Variants in UBE2Q2 observed in about 807,000 individuals in gnomAD.
UBE2Q2 encodes ubiquitin conjugating enzyme E2 Q2.
UBE2Q2 carries 54 observed loss-of-function variants against 59.9 expected under a neutral mutation model. The observed-to-expected ratio is 0.90, with a 90% confidence interval of 0.72 to 1.13. UBE2Q2 has a LOEUF of 1.13. Among genes scored for constraint, UBE2Q2 ranks in the 50% most tolerant of loss-of-function variants. UBE2Q2 has a pLI of 0.00. For synonymous variants in UBE2Q2, 165 were observed against 155.2 expected (o/e 1.06, Z -0.47); for missense variants, 433 against 441.9 (o/e 0.98, Z 0.18).
At position 75,859,899 on chromosome 15, in the gene UBE2Q2, T is replaced by A. The variant is rs373526760; in HGVS notation, c.304T>A (p.Leu102Met). 3 of 1,596,432 alleles carry A rather than the reference T, an allele frequency of 1.9e-6. No homozygotes were observed. In the African/African-American group the frequency reaches 4.1e-5, roughly 22 times the overall value. Residue 102 changes from leucine (L) to methionine (M), a missense_variant, in exon 3 of 13, where the codon TTG becomes ATG. Coordinates refer to ENST00000267938, the MANE Select transcript of UBE2Q2 (RefSeq NM_173469.4). ...NNLLRQQLKW[L>M]ICELCSLYNL... The stretch of plus-strand genomic sequence containing the variant: ...GTAGCTTCGTCAGCAATTGAAGTGG[T>A]TGATATGTGAACTCTGCAGTTTATA...
chr15:75,871,424 G>A (rs961920381), intron 4 of UBE2Q2, among the ~76,000 whole-genome samples: 1 of 152,126 alleles, frequency 6.6e-6, no homozygotes, highest in Non-Finnish European at 1.5e-5. Flanking sequence ...GCTGGGGGAC[G>A]GTCAGGTCTT....
intron 9 of UBE2Q2, among the ~76,000 whole-genome samples, chr15:75,884,526 G>A (rs954498696): frequency 2.0e-5 from 3 of 152,030 alleles, no homozygotes; most frequent in African/African-American, 7.2e-5. Context: ...TAGTTATTTG[G>A]GCATGGTGTC....
chr15:75,876,304 A>AT, intron 6 of UBE2Q2, 33 bp downstream of exon 6: 1 of 1,549,630 alleles, frequency 6.5e-7, no homozygotes, highest in South Asian at 1.1e-5. Flanking sequence ...TCTCTTTATG[A>AT]TTCTTCTGCT....
rs768701045 is a variant in UBE2Q2 at position 75,843,696 on chromosome 15, GAA to G, written c.31_32del (p.Lys11ValfsTer64). 6.8e-6 allele frequency: 11 copies of G among 1,611,298 alleles called. No individual in the cohort carries two copies. In the South Asian group the frequency reaches 1.2e-4, roughly 18 times the overall value. ...CCGTGTCAGGGCTCAAGGCCGAGCTGAAGTTCCTGGCGTCCATCTTCGACAAG... is the reference window on the plus strand; with the variant it reads ...CCGTGTCAGGGCTCAAGGCCGAGCTGGTTCCTGGCGTCCATCTTCGACAAG... MSVSGLKAEL[K>X]FLASIFDKNH... On this transcript the variant is annotated frameshift_variant, in exon 1 of 13. Coordinates refer to ENST00000267938, the MANE Select transcript of UBE2Q2 (RefSeq NM_173469.4). LOFTEE classifies it high-confidence loss of function.
chr15:75,844,024 G>A, intron 1 of UBE2Q2, 178 bp downstream of exon 1: 2 of 1,409,714 alleles, frequency 1.4e-6, no homozygotes, highest in Non-Finnish European at 9.2e-7. Context: ...GCGAGGCTTG[G>A]GTGGGAGGAG....
At chr15:75,854,221 T>G (rs1364839844) in intron 1 of UBE2Q2, among the ~76,000 whole-genome samples, 165 bp from the exon 2 acceptor site, 1 of 152,198 alleles carries the variant, frequency 6.6e-6, no homozygotes, top group Non-Finnish European at 1.5e-5. Flanking sequence ...AGGAGAATGG[T>G]TGTCTCAAAA....
At chr15:75,892,278 CAAAGATTA>C in intron 11 of UBE2Q2, among the ~76,000 whole-genome samples, 1 of 152,188 alleles carries the variant, frequency 6.6e-6, no homozygotes, top group East Asian at 1.9e-4. Flanking sequence ...GTAGGATTCC[CAAAGATTA>C]AAAGAATTCA....
At chr15:75,877,891 A>G in intron 6 of UBE2Q2, 70 bp from the exon 7 acceptor site, 1 of 1,426,024 alleles carries the variant, frequency 7.0e-7, no homozygotes, top group Non-Finnish European at 9.7e-7. Flanking sequence ...TATTTAGTGT[A>G]TACATTTATA....
At chr15:75,856,939 TC>T (rs1896950533) in intron 2 of UBE2Q2, among the ~76,000 whole-genome samples, 1 of 147,224 alleles carries the variant, frequency 6.8e-6, no homozygotes, top group Non-Finnish European at 1.5e-5. Context: ...AGACTCTGTC[TC>T]CAAAAAAAAA....
chr15:75,872,344 G>A (rs1897841337), intron 4 of UBE2Q2, among the ~76,000 whole-genome samples: 1 of 150,564 alleles, frequency 6.6e-6, no homozygotes. Context: ...AAGCCGAGAT[G>A]CGTATAAACT....
At chr15:75,879,482 G>T (rs1048663137) in intron 8 of UBE2Q2, among the ~76,000 whole-genome samples, 20 of 152,292 alleles carry the variant, frequency 1.3e-4, no homozygotes, top group African/African-American at 4.8e-4. Flanking sequence ...CAAGATGGGT[G>T]GATCTTGAAC....
At chr15:75,870,694 C>T (rs1370116213) in intron 4 of UBE2Q2, among the ~76,000 whole-genome samples, 1 of 152,092 alleles carries the variant, frequency 6.6e-6, no homozygotes, top group Non-Finnish European at 1.5e-5. Flanking sequence ...GGAACAGGCT[C>T]AGAACAACCT....
intron 1 of UBE2Q2, among the ~76,000 whole-genome samples, chr15:75,846,779 C>T (rs999650073): frequency 6.6e-6 from 1 of 152,042 alleles, no homozygotes; most frequent in Non-Finnish European, 1.5e-5. Flanking sequence ...TTATACTTAC[C>T]AAGAAACATC....
chr15:75,867,466 T>A (rs752436199), intron 3 of UBE2Q2, among the ~76,000 whole-genome samples: 1 of 152,340 alleles, frequency 6.6e-6, no homozygotes, highest in East Asian at 1.9e-4. Flanking sequence ...ACTAAGGGTA[T>A]TCTCCTTGTA....
Position 75,863,315 on chromosome 15 carries a change from G to A in UBE2Q2, c.387+3333G>A, listed in dbSNP as rs559468010. On this transcript the variant is annotated intron_variant, in intron 3 of 12. Coordinates refer to ENST00000267938, the MANE Select transcript of UBE2Q2 (RefSeq NM_173469.4). ...TAGTGGAGGTGAGTTCTGGTCTGCC[G>A]GTAACCCCATTCCTTTTTTGTAATT... Among the ~76,000 whole-genome samples the A allele has an allele frequency of 5.3e-5, 8 of 152,206 alleles. No individual in the cohort carries two copies. In the East Asian group the frequency reaches 1.2e-3, roughly 22 times the overall value.
rs1899070112 is a variant in UBE2Q2, at chr15:75,890,983, G to A, written c.998G>A (p.Gly333Asp). Residue 333 changes from glycine to aspartate, a missense_variant, in exon 11 of 13, where the codon GGC becomes GAC. Gly to Asp is a moderately conservative substitution (Grantham distance 94). Coordinates refer to ENST00000267938, the MANE Select transcript of UBE2Q2 (RefSeq NM_173469.4). ...IMQINATLVK[G>D]KARVQFGANK... ...CAAATAAATGCCACCTTAGTCAAAG[G>A]CAAAGCCAGAGTGCAGTTTGGAGCA... 1.9e-6 allele frequency: 3 copies of A among 1,612,064 alleles called. No individual in the cohort carries two copies. Among genetic ancestry groups the A allele is most frequent in the Non-Finnish European group, 2.5e-6 (3 of 1,179,904 alleles).
chr15:75,883,498 C>G lies in UBE2Q2; in HGVS notation c.884+74C>G, dbSNP rs1041831038. 4 of 1,071,086 alleles carry G rather than the reference C, an allele frequency of 3.7e-6. No individual in the cohort carries two copies. In the African/African-American group the frequency reaches 4.8e-5, roughly 13 times the overall value. 66.3% of individuals were successfully genotyped at this position (1,071,086 alleles called of 1,614,324 possible). ...ATTTTTTTTTATAGGGACGAGATCT[C>G]ACTATGTTGCCCTGGCTGGTCTTGA... On this transcript the variant is annotated intron_variant, in intron 9 of 12. Coordinates refer to ENST00000267938, the MANE Select transcript of UBE2Q2 (RefSeq NM_173469.4).
chr15:75,879,928 G>C (rs992938943), intron 8 of UBE2Q2, among the ~76,000 whole-genome samples: 1 of 152,184 alleles, frequency 6.6e-6, no homozygotes, highest in Non-Finnish European at 1.5e-5. Flanking sequence ...ATCTAGGTGG[G>C]AGGTAGGGAG....
chr15:75,851,076 C>A (rs1223592577), intron 1 of UBE2Q2, among the ~76,000 whole-genome samples: 1 of 151,244 alleles, frequency 6.6e-6, no homozygotes, highest in Non-Finnish European at 1.5e-5. Flanking sequence ...TATACAGATA[C>A]CTGGTTGGAA....
Sources: allele counts gnomAD v4.1 joint callset (sites outside exome capture counted in the v4.1 genomes callset), GRCh38; gene constraint gnomAD v4.1.1; transcripts MANE v1.5; gene names NCBI Gene and HGNC (gene_info 2026-07-23, HGNC 2026-07-21).